The following HERC1 variants were observed in gnomAD, a reference collection of about 807,000 sequenced individuals.
HERC1 encodes the protein probable E3 ubiquitin-protein ligase HERC1.
Under a neutral mutation model 554.3 loss-of-function variants are expected in HERC1, and 160 were observed. That is an observed-to-expected ratio of 0.29 (90% confidence interval 0.25 to 0.33). The LOEUF is 0.33. HERC1 is among the 10% of genes least tolerant of loss of function. The pLI is 1.00. For synonymous variants in HERC1, 2,175 were observed against 2,131.7 expected, an observed-to-expected ratio of 1.02 and a Z score of -0.56; for missense variants, 4,919 against 5,918.5, an observed-to-expected ratio of 0.83 and a Z score of 5.54.
intron 1 of HERC1, among the ~76,000 whole-genome samples, chr15:63,829,636 G>T (rs1466939540): frequency 6.8e-6 from 1 of 146,678 alleles, no homozygotes; most frequent in Non-Finnish European, 1.5e-5. Context: ...CTGAAGTCCT[G>T]GGAGCAATAA....
At chr15:63,746,687 A>T (rs2075067191) in intron 12 of HERC1, among the ~76,000 whole-genome samples, 1 of 152,242 alleles carries the variant, frequency 6.6e-6, no homozygotes, top group Non-Finnish European at 1.5e-5. Flanking sequence ...GAGAACATAT[A>T]CAAGAAAAAC....
intron 76 of HERC1, among the ~76,000 whole-genome samples, chr15:63,614,219 A>G (rs1246160204): frequency 6.6e-6 from 1 of 152,200 alleles, no homozygotes; most frequent in African/African-American, 2.4e-5. Context: ...AACCCTCAGA[A>G]GAAGGGTCAT....
At chr15:63,702,827 C>T (rs1239818635) in intron 25 of HERC1, among the ~76,000 whole-genome samples, 3 of 152,104 alleles carry the variant, frequency 2.0e-5, no homozygotes, top group Non-Finnish European at 2.9e-5. Context: ...TTTAGCTGGC[C>T]GGGCATGGTG....
In HERC1 at chr15:63,680,737, A is replaced by T. The variant is rs1360097298; in HGVS notation, c.6265T>A (p.Cys2089Ser). Residue 2089 changes from cysteine to serine, a missense_variant, in exon 35 of 78, where the codon TGT (cysteine) becomes AGT (serine). Around this residue, in one of 11 missense-constraint regions of HERC1, gnomAD observed 85 missense variants for 163.2 expected, o/e 0.52. Coordinates refer to ENST00000443617, the MANE Select transcript of HERC1 (RefSeq NM_003922.4). This position sits in a 1 kb window ranked among gnomAD's most constrained non-coding sequence, Gnocchi z 5.8. ...ACTGGCCAGCGAGAAACTCCAACAC[A>T]CGTGCCTTCATTACCTCTGTTTTCC... is the stretch of plus-strand genomic sequence containing the variant. ...VKENRGNEGT[C>S]VGVSRWPVHD... 6.2e-7 allele frequency: 1 copy of T among 1,612,558 alleles called. No individual in the cohort carries two copies. Among genetic ancestry groups the T allele is most frequent in the Non-Finnish European group, 8.5e-7 (1 of 1,178,560 alleles).
intron 1 of HERC1, among the ~76,000 whole-genome samples, chr15:63,800,786 G>C (rs918166395): frequency 2.6e-5 from 4 of 152,080 alleles, no homozygotes; most frequent in Admixed American, 1.3e-4. Context: ...TTTGTTATTC[G>C]TAACAAGCCC....
intron 33 of HERC1, among the ~76,000 whole-genome samples, chr15:63,689,305 T>G (rs1216758068): frequency 6.6e-6 from 1 of 152,176 alleles, no homozygotes; most frequent in Non-Finnish European, 1.5e-5. Flanking sequence ...GAGAAGAAAG[T>G]GGCTGAAACA....
intron 12 of HERC1, among the ~76,000 whole-genome samples, chr15:63,740,135 C>T (rs1271102356): frequency 6.6e-6 from 1 of 152,100 alleles, no homozygotes; most frequent in Non-Finnish European, 1.5e-5. Context: ...GTCTCAAACT[C>T]CTGGACTCAA....
At chr15:63,654,016 G>T in intron 51 of HERC1, 103 bp downstream of exon 51, 2 of 838,594 alleles carry the variant, frequency 2.4e-6, no homozygotes, top group Non-Finnish European at 3.9e-6. Context: ...GTGAAAGAGA[G>T]TGACACAAAG....
At chr15:63,808,164 A>C (rs774158810) in intron 1 of HERC1, among the ~76,000 whole-genome samples, 12 of 152,152 alleles carry the variant, frequency 7.9e-5, no homozygotes, top group Non-Finnish European at 1.8e-4. Flanking sequence ...CCTAGTACAA[A>C]AAGTTTGTGA....
Position 63,753,054 on chromosome 15 carries a change from C to T in HERC1, c.1806G>A (p.Val602=). Residue 602 remains valine (V), a synonymous_variant, in exon 8 of 78, where the codon GTG becomes GTA. Coordinates refer to ENST00000443617, the MANE Select transcript of HERC1 (RefSeq NM_003922.4). The stretch of plus-strand genomic sequence containing the variant: ...AAGCTTCAATAACTTTAGGTTTATA[C>T]ACTCTGTTGGTATCACCATGACCAA... ...GKLGHGDTNR[V]YKPKVIEALQ... 1 of 1,611,478 alleles carries T rather than the reference C, an allele frequency of 6.2e-7. No homozygotes were observed. Among genetic ancestry groups the T allele is most frequent in the Non-Finnish European group, 8.5e-7 (1 of 1,178,634 alleles).
intron 55 of HERC1, among the ~76,000 whole-genome samples, chr15:63,646,417 G>C (rs962228722): frequency 6.6e-6 from 1 of 151,702 alleles, no homozygotes; most frequent in East Asian, 1.9e-4. Context: ...CAAAGATTCT[G>C]TGCAACAACA....
chr15:63,707,274 C>G (rs1041072605), intron 24 of HERC1, among the ~76,000 whole-genome samples: 1 of 152,174 alleles, frequency 6.6e-6, no homozygotes, highest in Non-Finnish European at 1.5e-5. Context: ...AGAAGAAAAT[C>G]TGATAGTCTC....
At chr15:63,723,483 G>A (rs1414596121) in intron 18 of HERC1, 128 bp from the exon 19 acceptor site, 1 of 647,322 alleles carries the variant, frequency 1.5e-6, no homozygotes, top group Non-Finnish European at 2.6e-6. Flanking sequence ...ATGCTACCAA[G>A]GTAAAGTCCT....
intron 1 of HERC1, among the ~76,000 whole-genome samples, chr15:63,818,322 T>C (rs12148660): frequency 0.48 from 72,905 of 151,868 alleles, 18,411 homozygotes; most frequent in Non-Finnish European, 0.55. Flanking sequence ...TCCGGCTCAC[T>C]GAGCTCCCAA....
intron 40 of HERC1, among the ~76,000 whole-genome samples, chr15:63,667,708 C>T (rs966590795): frequency 9.9e-5 from 15 of 152,148 alleles, no homozygotes; most frequent in Non-Finnish European, 4.4e-5. Context: ...TTAAGGTAGA[C>T]TCTGATAATT....
At chr15:63,666,895 C>G (rs751947376) in intron 40 of HERC1, among the ~76,000 whole-genome samples, 2 of 152,198 alleles carry the variant, frequency 1.3e-5, no homozygotes, top group Non-Finnish European at 2.9e-5. Flanking sequence ...CTTCATGTTT[C>G]AGCTCTCATG....
chr15:63,700,405 TA>T (rs2072652011), intron 25 of HERC1, among the ~76,000 whole-genome samples: 1 of 152,016 alleles, frequency 6.6e-6, no homozygotes, highest in Non-Finnish European at 1.5e-5. Context: ...TTTGGGAAGA[TA>T]ACTACTTAAA....
At chr15:63,794,286 T>G (rs77974507) in intron 1 of HERC1, among the ~76,000 whole-genome samples, 4,657 of 152,280 alleles carry the variant, frequency 0.031, 95 homozygotes, top group African/African-American at 0.065. Flanking sequence ...CCTGAATTCT[T>G]TCTTGCGTGA....
At chr15:63,789,362 T>C (rs1000319294) in intron 1 of HERC1, among the ~76,000 whole-genome samples, 3 of 151,466 alleles carry the variant, frequency 2.0e-5, no homozygotes, top group African/African-American at 7.3e-5. Flanking sequence ...AGTGCTGGGA[T>C]TACAGGCGTG....
Sources: allele counts gnomAD v4.1 joint callset (sites outside exome capture counted in the v4.1 genomes callset), GRCh38; gene constraint gnomAD v4.1.1; regional missense constraint gnomAD v4.1.1; non-coding constraint Gnocchi (gnomAD v3.1); transcripts MANE v1.5; gene names NCBI Gene and HGNC (gene_info 2026-07-23, HGNC 2026-07-21).